Variants in VIT observed in about 807,000 individuals in gnomAD.
The protein encoded by VIT is vitrin.
VIT carries 99 observed loss-of-function variants against 78.0 expected under a neutral mutation model. The observed-to-expected ratio is 1.27, with a 90% confidence interval of 1.08 to 1.50. VIT has a LOEUF of 1.50. Among genes scored for constraint, VIT ranks in the 40% most tolerant of loss-of-function variants. The pLI is 0.00. For synonymous variants in VIT, 374 were observed against 334.3 expected (o/e 1.12, Z -1.29); for missense variants, 1,126 against 875.3 (o/e 1.29, Z -3.61).
intron 5 of VIT, among the ~76,000 whole-genome samples, chr2:36,757,364 T>C (rs150461338): frequency 1.6e-3 from 251 of 152,332 alleles, no homozygotes; most frequent in Non-Finnish European, 3.1e-3. Flanking sequence ...TCCAGGGATA[T>C]GAAATGTCAG....
chr2:36,756,021 G>A (rs1172773378), intron 5 of VIT, among the ~76,000 whole-genome samples: 1 of 132,118 alleles, frequency 7.6e-6, no homozygotes, highest in South Asian at 2.4e-4. Flanking sequence ...GTAATGACAC[G>A]ATCTCGGCTC....
chr2:36,745,180 C>T (rs79831113), intron 4 of VIT, among the ~76,000 whole-genome samples: 1,630 of 152,150 alleles, frequency 0.011, 22 homozygotes, highest in African/African-American at 0.036. Context: ...TCTACATGTC[C>T]GGTTTTTGTA....
chr2:36,758,372 CAGA>C (rs1014659359), intron 5 of VIT, among the ~76,000 whole-genome samples: 2 of 152,198 alleles, frequency 1.3e-5, no homozygotes, highest in African/African-American at 4.8e-5. Flanking sequence ...CTTTTATGGT[CAGA>C]AGAAGACTTT....
intron 1 of VIT, among the ~76,000 whole-genome samples, chr2:36,710,420 A>G (rs1358645725): frequency 6.6e-6 from 1 of 152,186 alleles, no homozygotes; most frequent in Non-Finnish European, 1.5e-5. Context: ...TTTAAAGTAT[A>G]GAGTCTGATA....
intron 3 of VIT, among the ~76,000 whole-genome samples, chr2:36,734,109 T>C (rs1667366394): frequency 1.3e-5 from 2 of 152,180 alleles, no homozygotes; most frequent in East Asian, 3.9e-4. Context: ...AGTCAAAAAC[T>C]ACAGGGGTGG....
At chr2:36,718,107 C>T (rs1666278258) in intron 2 of VIT, among the ~76,000 whole-genome samples, 1 of 152,224 alleles carries the variant, frequency 6.6e-6, no homozygotes, top group Non-Finnish European at 1.5e-5. Context: ...GTACACCCTA[C>T]TCCAGTATGA....
In VIT at chr2:36,805,455, G is replaced by T. The variant is rs1352786341; in HGVS notation, c.1180G>T (p.Val394Leu). 6.2e-6 allele frequency: 10 copies of T among 1,611,576 alleles called. No individual in the cohort carries two copies. Among genetic ancestry groups the T allele is most frequent in the Non-Finnish European group, 8.5e-6 (10 of 1,178,810 alleles). The change falls in exon 14 of 16, where the codon GTG becomes TTG. Residue 394 changes from valine to leucine, a missense_variant. Val to Leu is a conservative substitution (Grantham distance 32, BLOSUM62 1). Transcript: ENST00000379242. ...LSNVGRAISF[V>L]TKNFFSKANG... is the part of the protein sequence containing the mutation. Reference sequence around the variant, plus strand: ...TCTTCCAGGTCGGGCCATCTCCTTTGTGACCAAGAACTTCTTTTCCAAAGC... The same window carrying T: ...TCTTCCAGGTCGGGCCATCTCCTTTTTGACCAAGAACTTCTTTTCCAAAGC...
intron 5 of VIT, among the ~76,000 whole-genome samples, chr2:36,755,432 T>C (rs1572480848): frequency 6.6e-6 from 1 of 152,202 alleles, no homozygotes; most frequent in Non-Finnish European, 1.5e-5. Flanking sequence ...GATAGATAGG[T>C]ATTGTCACAG....
At chr2:36,788,975 C>T (rs763902771) in intron 12 of VIT, among the ~76,000 whole-genome samples, 1 of 152,084 alleles carries the variant, frequency 6.6e-6, no homozygotes, top group Non-Finnish European at 1.5e-5. Context: ...CCACATACTC[C>T]CAATGTGATC....
At chr2:36,797,641 A>T (rs536021172) in intron 12 of VIT, among the ~76,000 whole-genome samples, 1 of 152,154 alleles carries the variant, frequency 6.6e-6, no homozygotes, top group Admixed American at 6.5e-5. Flanking sequence ...TTTTATGTAT[A>T]TGTGAGGTTC....
At chr2:36,701,922 T>C (rs748549793) in intron 1 of VIT, among the ~76,000 whole-genome samples, 3 of 152,194 alleles carry the variant, frequency 2.0e-5, no homozygotes, top group Non-Finnish European at 2.9e-5. Context: ...CCCAATCCCA[T>C]GTTCTTGGGA....
intron 11 of VIT, among the ~76,000 whole-genome samples, chr2:36,786,375 T>C (rs1665095350): frequency 6.6e-6 from 1 of 152,204 alleles, no homozygotes; most frequent in African/African-American, 2.4e-5. Context: ...TCCATTAGCC[T>C]GTGTGGCTTT....
chr2:36,765,103 C>T (rs987506758), intron 6 of VIT, among the ~76,000 whole-genome samples: 5 of 152,022 alleles, frequency 3.3e-5, no homozygotes, highest in Non-Finnish European at 7.4e-5. Flanking sequence ...ATGTGGGGAG[C>T]CTTTGCTAAT....
At position 36,755,003 on chromosome 2, in the gene VIT, G is replaced by T; in HGVS notation, c.358G>T (p.Gly120Cys). The change falls in exon 5 of 16, where the codon GGT (glycine) becomes TGT (cysteine). Residue 120 changes from glycine (G) to cysteine (C), a missense_variant. Physicochemically the swap from Gly to Cys is radical, Grantham distance 159. Coordinates refer to ENST00000379242, the MANE Select transcript of VIT (RefSeq NM_053276.4). The part of the protein sequence containing the change: ...QSGYKGSYSN[G>C]VQSLSLPRWR... The stretch of plus-strand genomic sequence containing the variant: ...TGGTTACAAAGGGAGTTATTCCAAC[G>T]GTGTCCAATCGTTATCCCTACCACG... 1.2e-6 allele frequency: 2 copies of T among 1,614,122 alleles called. No individual in the cohort carries two copies. Among genetic ancestry groups the T allele is most frequent in the South Asian group, 2.2e-5 (2 of 91,082 alleles).
intron 1 of VIT, among the ~76,000 whole-genome samples, chr2:36,708,086 G>A (rs950788076): frequency 7.9e-5 from 12 of 151,514 alleles, no homozygotes; most frequent in African/African-American, 2.9e-4. Context: ...ACAGATAGAG[G>A]CCACCACCAC....
At chr2:36,777,751 C>T (rs752990580) in intron 9 of VIT, among the ~76,000 whole-genome samples, 2 of 152,168 alleles carry the variant, frequency 1.3e-5, no homozygotes, top group Admixed American at 6.5e-5. Context: ...TTCGTTTAGT[C>T]GGCTGCAATC....
chr2:36,735,269 C>G (rs895326562), intron 3 of VIT, among the ~76,000 whole-genome samples: 2 of 152,196 alleles, frequency 1.3e-5, no homozygotes, highest in Non-Finnish European at 2.9e-5. Context: ...TCTCACAGCT[C>G]TACTCCACAA....
At chr2:36,783,833 A>AG (rs1427538751) in intron 11 of VIT, among the ~76,000 whole-genome samples, 7 of 152,218 alleles carry the variant, frequency 4.6e-5, no homozygotes, top group African/African-American at 1.7e-4. Context: ...GAGAGGGAGA[A>AG]GTTAAAGATG....
At chr2:36,788,819 T>C (rs1240426757) in intron 12 of VIT, among the ~76,000 whole-genome samples, 1 of 152,182 alleles carries the variant, frequency 6.6e-6, no homozygotes, top group East Asian at 1.9e-4. Flanking sequence ...GCAAGCTTTA[T>C]AGTATAATAT....
Sources: gnomAD v4.1 joint callset for allele counts (sites outside exome capture counted in the v4.1 genomes callset) on GRCh38, gnomAD v4.1.1 for gene constraint, MANE v1.5 for transcripts, NCBI Gene and HGNC (gene_info 2026-07-23, HGNC 2026-07-21) for gene names.